TEAD1: variants seen among roughly 807,000 people sequenced by gnomAD.
The protein encoded by TEAD1 is transcriptional enhancer factor TEF-1.
Under a neutral mutation model 54.9 loss-of-function variants are expected in TEAD1, and 9 were observed. That is an observed-to-expected ratio of 0.16 (90% CI 0.10 to 0.29). The LOEUF (loss-of-function observed/expected upper bound fraction) is 0.29. TEAD1 is among the 10% of genes least tolerant of loss of function. The pLI is 1.00. For missense variants in TEAD1, 387 were observed against 535.9 expected, an observed-to-expected ratio of 0.72 and a Z score of 2.74; for synonymous variants, 200 against 187.8, an observed-to-expected ratio of 1.07 and a Z score of -0.53.
intron 5 of TEAD1, among the ~76,000 whole-genome samples, chr11:12,866,483 T>C (rs1305913760): frequency 1.3e-5 from 2 of 152,220 alleles, no homozygotes; most frequent in Non-Finnish European, 2.9e-5. Flanking sequence ...TGGTGAATTT[T>C]AGAGTTTTCT....
At chr11:12,782,886 T>C (rs971114089) in intron 3 of TEAD1, among the ~76,000 whole-genome samples, 1 of 152,138 alleles carries the variant, frequency 6.6e-6, no homozygotes, top group African/African-American at 2.4e-5. Context: ...GTGCTGCTTT[T>C]GGAGAAGGTG....
rs140749499 is a variant in TEAD1 at position 12,696,437 on chromosome 11, A to G, written c.-55+20876A>G. 5.7e-3 allele frequency among the ~76,000 whole-genome samples: 868 copies of G among 152,302 alleles called. 3 individuals are homozygous for G. Among genetic ancestry groups the G allele is most frequent in the Non-Finnish European group, 0.01 (698 of 68,020 alleles). Reference sequence around the variant, plus strand: ...GTAGATGTTTGACCCATGGGTATAGAGAAGTGTGGAATAAAGCCACTTTGC... The same window carrying G: ...GTAGATGTTTGACCCATGGGTATAGGGAAGTGTGGAATAAAGCCACTTTGC... On this transcript the variant is annotated intron_variant, in intron 2 of 12. Coordinates refer to ENST00000527636, the MANE Select transcript of TEAD1 (RefSeq NM_021961.6).
chr11:12,875,491 T>C (rs1461904112), intron 5 of TEAD1, among the ~76,000 whole-genome samples: 1 of 152,234 alleles, frequency 6.6e-6, no homozygotes, highest in African/African-American at 2.4e-5. Flanking sequence ...GATTTCAAGA[T>C]ATCCCTGGTG....
At position 12,746,981 on chromosome 11, in the gene TEAD1, G is replaced by A. The variant is rs148299560; in HGVS notation, c.-54-17198G>A. Reference sequence around the variant, plus strand: ...GTCCTGCCTGAGGTTAAAGAAAGGTGGAGTTGGTTGTTGAGGCCACAGACC... The same window carrying A: ...GTCCTGCCTGAGGTTAAAGAAAGGTAGAGTTGGTTGTTGAGGCCACAGACC... On this transcript the variant is annotated intron_variant, in intron 2 of 12. Transcript: ENST00000527636. Among the ~76,000 whole-genome samples, 1,193 of 152,308 alleles carry A rather than the reference G, an allele frequency of 7.8e-3. 21 individuals are homozygous for A. Among genetic ancestry groups the A allele is most frequent in the African/African-American group, 0.027 (1,140 of 41,548 alleles).
chr11:12,923,683 A>G (rs1465225881), intron 10 of TEAD1, among the ~76,000 whole-genome samples: 1 of 152,142 alleles, frequency 6.6e-6, no homozygotes, highest in Non-Finnish European at 1.5e-5. Flanking sequence ...TCACATTTCT[A>G]GAGGCTGGGA....
In TEAD1 at chr11:12,881,942, A is replaced by G. The variant is rs1947979849; in HGVS notation, c.559A>G (p.Thr187Ala). 2.5e-6 allele frequency: 4 copies of G among 1,614,186 alleles called. No individual in the cohort carries two copies. In the African/African-American group the frequency reaches 5.3e-5, roughly 22 times the overall value. Residue 187 changes from threonine (T) to alanine (A), a missense_variant, in exon 8 of 13, where the codon ACA becomes GCA. Coordinates refer to ENST00000527636, the MANE Select transcript of TEAD1 (RefSeq NM_021961.6). ...GGCCTACCCCATCCAGCCAGCGGTC[A>G]CAGCCCCCATTCCAGGTGAGTGTCC... is the stretch of plus-strand genomic sequence containing the variant.
intron 3 of TEAD1, among the ~76,000 whole-genome samples, chr11:12,860,336 G>T (rs558602574): frequency 6.6e-6 from 1 of 152,260 alleles, no homozygotes; most frequent in South Asian, 2.1e-4. Context: ...GGCTTATGAG[G>T]ACTTTCAGGA....
chr11:12,790,403 A>T (rs551780778), intron 3 of TEAD1, among the ~76,000 whole-genome samples: 2 of 152,330 alleles, frequency 1.3e-5, no homozygotes, highest in South Asian at 2.1e-4. Flanking sequence ...TTAACATGTC[A>T]TCTTTATCTC....
intron 10 of TEAD1, among the ~76,000 whole-genome samples, chr11:12,909,617 C>G (rs868622859): frequency 5.3e-5 from 8 of 152,076 alleles, no homozygotes; most frequent in African/African-American, 1.9e-4. Flanking sequence ...CAAACCAGCA[C>G]GTTCTGCACA....
At chr11:12,771,729 C>T (rs956692550) in intron 3 of TEAD1, among the ~76,000 whole-genome samples, 1 of 152,138 alleles carries the variant, frequency 6.6e-6, no homozygotes, top group Non-Finnish European at 1.5e-5. Context: ...TAGTTTGGAG[C>T]CTCATCATCA....
At chr11:12,861,875 A>G (rs1442277114) in intron 3 of TEAD1, among the ~76,000 whole-genome samples, 3 of 152,118 alleles carry the variant, frequency 2.0e-5, no homozygotes, top group African/African-American at 7.2e-5. Flanking sequence ...AATCCCAGCT[A>G]CTTGGGATGC....
intron 3 of TEAD1, among the ~76,000 whole-genome samples, chr11:12,823,050 A>G (rs1235649719): frequency 4.6e-5 from 7 of 152,112 alleles, no homozygotes; most frequent in African/African-American, 7.2e-5. Context: ...ACATATGTCA[A>G]TTTTTACTTG....
chr11:12,785,422 G>T (rs1482564075), intron 3 of TEAD1, among the ~76,000 whole-genome samples: 1 of 152,184 alleles, frequency 6.6e-6, no homozygotes, highest in African/African-American at 2.4e-5. Flanking sequence ...GGGCACAGAG[G>T]TTGTTCCCAG....
At chr11:12,840,593 G>C (rs960917030) in intron 3 of TEAD1, among the ~76,000 whole-genome samples, 1 of 152,190 alleles carries the variant, frequency 6.6e-6, no homozygotes, top group East Asian at 1.9e-4. Context: ...TCTGGGGTTC[G>C]GCTGTGTGCT....
intron 2 of TEAD1, among the ~76,000 whole-genome samples, chr11:12,694,811 C>T (rs1590059359): frequency 1.3e-5 from 2 of 152,174 alleles, no homozygotes; most frequent in East Asian, 3.8e-4. Context: ...ACCCTTCTCC[C>T]CCCTACTGTA....
intron 2 of TEAD1, among the ~76,000 whole-genome samples, chr11:12,724,975 G>A (rs1944285732): frequency 6.6e-6 from 1 of 152,154 alleles, no homozygotes; most frequent in Non-Finnish European, 1.5e-5. Flanking sequence ...TCTGGGGCCT[G>A]GTTGATTTTA....
At chr11:12,905,515 G>C (rs915045197) in intron 10 of TEAD1, among the ~76,000 whole-genome samples, 1 of 152,180 alleles carries the variant, frequency 6.6e-6, no homozygotes, top group Non-Finnish European at 1.5e-5. Flanking sequence ...ATAAAGGAGG[G>C]AAGGCAATTT....
At chr11:12,722,891 T>C (rs1185225874) in intron 2 of TEAD1, among the ~76,000 whole-genome samples, 1 of 152,214 alleles carries the variant, frequency 6.6e-6, no homozygotes, top group Non-Finnish European at 1.5e-5. Flanking sequence ...TATGTAGTCT[T>C]CAAGATGATT....
At chr11:12,734,175 G>A (rs1944479738) in intron 2 of TEAD1, among the ~76,000 whole-genome samples, 1 of 152,244 alleles carries the variant, frequency 6.6e-6, no homozygotes, top group South Asian at 2.1e-4. Context: ...CTAGGCCTCC[G>A]GAGTAGCTGG....
Sources: gnomAD v4.1 joint callset for allele counts (sites outside exome capture counted in the v4.1 genomes callset) on GRCh38, gnomAD v4.1.1 for gene constraint, MANE v1.5 for transcripts, NCBI Gene and HGNC (gene_info 2026-07-23, HGNC 2026-07-21) for gene names.